The following ILRUN variants were observed in gnomAD, a reference collection of about 807,000 sequenced individuals.
ILRUN encodes the protein inflammation and lipid regulator with UBA-like and NBR1-like domains.
A neutral mutation model predicts 33.8 loss-of-function variants in ILRUN; 3 were observed. The ratio of observed to expected loss-of-function variants is 0.09; its 90% CI spans 0.04 to 0.23. The LOEUF (loss-of-function observed/expected upper bound fraction) is 0.23, where lower values mean the gene tolerates loss of function less well. Ranked by LOEUF, ILRUN falls within the 10% of genes least tolerant of loss-of-function variation. The pLI is 1.00. For missense variants in ILRUN, 210 were observed against 375.1 expected (o/e 0.56, Z 3.64); for synonymous variants, 124 against 138.9 (o/e 0.89, Z 0.75).
chr6:34,615,685 T>C (rs1282095350), intron 3 of ILRUN, among the ~76,000 whole-genome samples: 1 of 152,158 alleles, frequency 6.6e-6, no homozygotes, highest in Non-Finnish European at 1.5e-5. Context: ...TGTTTTGATA[T>C]CAAGCGAGGG....
At chr6:34,658,359 A>C (rs1762817896) in intron 1 of ILRUN, among the ~76,000 whole-genome samples, 1 of 151,904 alleles carries the variant, frequency 6.6e-6, no homozygotes, top group African/African-American at 2.4e-5. Flanking sequence ...AAAAAAAAAA[A>C]AAAGATGGAT....
intron 2 of ILRUN, among the ~76,000 whole-genome samples, chr6:34,648,001 T>C (rs1762592682): frequency 6.6e-6 from 1 of 152,336 alleles, no homozygotes; most frequent in South Asian, 2.1e-4. Flanking sequence ...GCCCAGCCGG[T>C]ACCCACTCTT....
intron 3 of ILRUN, among the ~76,000 whole-genome samples, chr6:34,633,915 GGGAGGGAAT>G: frequency 1.8e-5 from 2 of 109,066 alleles, no homozygotes; most frequent in Admixed American, 9.0e-5. Flanking sequence ...GAGGGAGGGA[GGGAGGGAAT>G]GAAATCATAC....
At chr6:34,659,810 G>A (rs1410367505) in intron 1 of ILRUN, among the ~76,000 whole-genome samples, 1 of 151,402 alleles carries the variant, frequency 6.6e-6, no homozygotes, top group Admixed American at 6.6e-5. Context: ...TAGTAGAGAC[G>A]GGGTTTCTCC....
intron 4 of ILRUN, among the ~76,000 whole-genome samples, chr6:34,594,041 A>G (rs1462277384): frequency 6.6e-6 from 1 of 152,192 alleles, no homozygotes; most frequent in Admixed American, 6.5e-5. Flanking sequence ...AGGTTCTGGT[A>G]GCCAACGACA....
rs1313539338 is a variant in ILRUN, at chr6:34,589,050, G to A, written c.*1515C>T. 1 of 152,754 alleles carries A rather than the reference G, an allele frequency of 6.5e-6. No homozygotes were observed. Among genetic ancestry groups the A allele is most frequent in the Admixed American group, 6.5e-5 (1 of 15,292 alleles). The allele number at this position is 152,754 out of a possible 1,614,324, so 9.5% of individuals were successfully genotyped here. On this transcript the variant is annotated 3_prime_UTR_variant, in exon 5 of 5. Transcript: ENST00000374023. Reference sequence around the variant, plus strand: ...TGGATGGGGGTGTGGTAACAGGCAGGTGACCCTGCAACAGCACCCTGGATC... The same window carrying A: ...TGGATGGGGGTGTGGTAACAGGCAGATGACCCTGCAACAGCACCCTGGATC...
At chr6:34,622,609 T>C (rs1432301795) in intron 3 of ILRUN, among the ~76,000 whole-genome samples, 2 of 151,730 alleles carry the variant, frequency 1.3e-5, no homozygotes, top group Non-Finnish European at 2.9e-5. Context: ...AAATGCCAAA[T>C]GTTGGTGAGG....
chr6:34,677,316 A>C (rs547454615), intron 1 of ILRUN, among the ~76,000 whole-genome samples: 1 of 152,198 alleles, frequency 6.6e-6, no homozygotes, highest in South Asian at 2.1e-4. Flanking sequence ...CAAAGGAAAA[A>C]AAGAGAGAGA....
rs900271599 is a variant in ILRUN at position 34,696,712 on chromosome 6, G to T, written c.-109C>A. The T allele has an allele frequency of 1.2e-5, 14 of 1,217,386 alleles. No individual in the cohort carries two copies. Among genetic ancestry groups the T allele is most frequent in the Non-Finnish European group, 1.6e-5 (14 of 876,412 alleles). 75.4% of individuals were successfully genotyped at this position (1,217,386 alleles called of 1,614,324 possible). On this transcript the variant is annotated 5_prime_UTR_variant, in exon 1 of 5. Transcript: ENST00000374023. The stretch of plus-strand genomic sequence containing the variant: ...CGCTGCTAGCTAGCTTCGCGACCCC[G>T]CTCCTTTGAGGTAGGCCCCGGGCCT...
At position 34,588,032 on chromosome 6, in the gene ILRUN, G is replaced by A. The variant is rs1172914024; in HGVS notation, c.*2533C>T. On this transcript the variant is annotated 3_prime_UTR_variant, in exon 5 of 5. Transcript: ENST00000374023. ...AGCCACTACCACCCCACTAGGCAGG[G>A]GAGCAGAGAGGGGCCCTAGGCATTG... The A allele has an allele frequency of 2.8e-5, 11 of 398,618 alleles. No individual in the cohort carries two copies. Among genetic ancestry groups the A allele is most frequent in the Non-Finnish European group, 4.9e-5 (11 of 226,190 alleles). The allele number at this position is 398,618 out of a possible 1,614,324, so 24.7% of individuals were successfully genotyped here. A position where few individuals can be genotyped will look rare whatever the true frequency, so the allele number is the denominator to read the frequency against.
At chr6:34,607,305 G>A (rs1761655152) in intron 3 of ILRUN, among the ~76,000 whole-genome samples, 1 of 152,126 alleles carries the variant, frequency 6.6e-6, no homozygotes, top group Admixed American at 6.5e-5. Context: ...TTACAATTAT[G>A]AGAATTACAA....
chr6:34,643,559 T>TAA (rs368635014), intron 3 of ILRUN, among the ~76,000 whole-genome samples: 1 of 151,450 alleles, frequency 6.6e-6, no homozygotes, highest in African/African-American at 2.4e-5. Flanking sequence ...GTTAATAATG[T>TAA]AAAAAAAAAC....
At chr6:34,643,296 T>G (rs1489781136) in intron 3 of ILRUN, among the ~76,000 whole-genome samples, 1 of 146,504 alleles carries the variant, frequency 6.8e-6, no homozygotes, top group Non-Finnish European at 1.5e-5. Context: ...CAAGGACCCA[T>G]CTCAAAAAAA....
At chr6:34,680,427 GTTCT>G (rs1189277191) in intron 1 of ILRUN, among the ~76,000 whole-genome samples, 4 of 151,948 alleles carry the variant, frequency 2.6e-5, no homozygotes, top group Non-Finnish European at 2.9e-5. Context: ...TTGTTTACCA[GTTCT>G]TTCTAATTTA....
At chr6:34,598,248 A>G (rs1382038944) in intron 4 of ILRUN, among the ~76,000 whole-genome samples, 1 of 152,208 alleles carries the variant, frequency 6.6e-6, no homozygotes, top group Non-Finnish European at 1.5e-5. Flanking sequence ...AAAAAGTTCA[A>G]GACCCTCAAA....
At chr6:34,658,861 T>A (rs998921812) in intron 1 of ILRUN, among the ~76,000 whole-genome samples, 5 of 151,842 alleles carry the variant, frequency 3.3e-5, no homozygotes, top group African/African-American at 1.2e-4. Context: ...GGCTGTGGGG[T>A]TTTGAACAAG....
chr6:34,627,546 G>T (rs1200960657), intron 3 of ILRUN, among the ~76,000 whole-genome samples: 1 of 152,104 alleles, frequency 6.6e-6, no homozygotes, highest in East Asian at 1.9e-4. Flanking sequence ...TGGCGTTTGG[G>T]ATTATGGCCA....
chr6:34,590,498 C>G lies in ILRUN; in HGVS notation c.*67G>C, dbSNP rs1469627929. On this transcript the variant is annotated 3_prime_UTR_variant, in exon 5 of 5. Coordinates refer to ENST00000374023, the MANE Select transcript of ILRUN (RefSeq NM_024294.4). ...ATGTGGTCTGCAATCCAGAGGAACC[C>G]CTTGCCCTAACCCCCCAAAGTCAGG... is the stretch of plus-strand genomic sequence containing the variant. The G allele has an allele frequency of 6.2e-7, 1 of 1,610,936 alleles. No homozygotes were observed.
intron 1 of ILRUN, among the ~76,000 whole-genome samples, chr6:34,691,882 A>G (rs1177417140): frequency 6.6e-6 from 1 of 152,254 alleles, no homozygotes; most frequent in African/African-American, 2.4e-5. Flanking sequence ...CACAAGGCCA[A>G]AACATTCCAT....
Sources: gnomAD v4.1 joint callset for allele counts (sites outside exome capture counted in the v4.1 genomes callset) on GRCh38, gnomAD v4.1.1 for gene constraint, MANE v1.5 for transcripts, NCBI Gene and HGNC (gene_info 2026-07-23, HGNC 2026-07-21) for gene names.